Variants in SLC6A17 observed in about 807,000 individuals in gnomAD.
SLC6A17 encodes the protein sodium-dependent neutral amino acid transporter SLC6A17.
Under a neutral mutation model 64.5 loss-of-function variants are expected in SLC6A17, and 21 were observed. The observed-to-expected ratio is 0.33, with a 90% CI of 0.23 to 0.47. The LOEUF (loss-of-function observed/expected upper bound fraction) is 0.47. Among genes scored for constraint, SLC6A17 ranks in the 20% least tolerant of loss-of-function variants. SLC6A17 has a pLI of 1.00. For synonymous variants in SLC6A17, 372 were observed against 399.5 expected (o/e 0.93, Z 0.82); for missense variants, 682 against 963.2 (o/e 0.71, Z 3.86).
rs1346392057 is a variant in SLC6A17 at position 110,198,109 on chromosome 1, G to T, written c.1849G>T (p.Ala617Ser). Reference sequence around the variant, plus strand: ...GCGCTACCTGTATTTCCCCAACTGGGCCATGGCACTCCTGATCACCCTCAT... The same window carrying T: ...GCGCTACCTGTATTTCCCCAACTGGTCCATGGCACTCCTGATCACCCTCAT... The part of the protein sequence containing the change: ...AERYLYFPNW[A>S]MALLITLIVV... Residue 617 changes from alanine to serine, a missense_variant, in exon 12 of 12, where the codon GCC (alanine) becomes TCC (serine). Around this residue, in one of 3 missense-constraint regions of SLC6A17, gnomAD observed 264 missense variants for 339.5 expected, o/e 0.78. Transcript: ENST00000331565. The T allele has an allele frequency of 1.2e-6, 2 of 1,613,672 alleles. No homozygotes were observed. The highest frequency in any genetic ancestry group is 2.2e-5 in the South Asian group (2 of 91,088).
intron 4 of SLC6A17, 32 bp from the exon 5 acceptor site, chr1:110,174,747 C>G (rs774997399): frequency 6.2e-7 from 1 of 1,606,956 alleles, no homozygotes; most frequent in Non-Finnish European, 8.5e-7. Context: ...GGCCCTGCCA[C>G]TGAGGCCCTG....
chr1:110,198,065 C>T lies in SLC6A17; in HGVS notation c.1816-11C>T. 1 of 1,602,242 alleles carries T rather than the reference C, an allele frequency of 6.2e-7. No individual in the cohort carries two copies. The highest frequency in any genetic ancestry group is 1.1e-5 in the South Asian group (1 of 89,440). On this transcript the variant is annotated splice_polypyrimidine_tract_variant and intron_variant, in intron 11 of 11. Coordinates refer to ENST00000331565, the MANE Select transcript of SLC6A17 (RefSeq NM_001010898.4). Reference sequence around the variant, plus strand: ...GTGCCGGCAGCAGCCCTTAAGGCAGCCCACCCGCAGGCTGCCGAGCGCTAC... The same window carrying T: ...GTGCCGGCAGCAGCCCTTAAGGCAGTCCACCCGCAGGCTGCCGAGCGCTAC...
chr1:110,184,514 G>C (rs1414358858), intron 6 of SLC6A17, among the ~76,000 whole-genome samples: 2 of 152,184 alleles, frequency 1.3e-5, no homozygotes, highest in African/African-American at 4.8e-5. Flanking sequence ...GGAGAGGTCG[G>C]TACTCTCATT....
chr1:110,162,550 C>T (rs369743400), intron 1 of SLC6A17, among the ~76,000 whole-genome samples: 7 of 152,186 alleles, frequency 4.6e-5, no homozygotes, highest in African/African-American at 1.7e-4. Context: ...CCATGAGATA[C>T]ATGGGTACGG....
rs1271858967 is a variant in SLC6A17 at position 110,192,795 on chromosome 1, T to C, written c.1299+97T>C. The C allele has an allele frequency of 7.7e-7, 1 of 1,301,956 alleles. No homozygotes were observed. Among genetic ancestry groups the C allele is most frequent in the Non-Finnish European group, 1.0e-6 (1 of 957,050 alleles). 80.7% of individuals were successfully genotyped at this position (1,301,956 alleles called of 1,614,324 possible). A position where few individuals can be genotyped will look rare whatever the true frequency, so the allele number is the denominator to read the frequency against. On this transcript the variant is annotated intron_variant, in intron 8 of 11. Transcript: ENST00000331565. The surrounding 1 kb of genome is among the most constrained non-coding windows in gnomAD (Gnocchi z 4.3). ...GCTCAGGCCTCAGGATGCTGACAGGTAGTCATTAGTTTACTTGGTAAGCAA... is the reference window on the plus strand; with the variant it reads ...GCTCAGGCCTCAGGATGCTGACAGGCAGTCATTAGTTTACTTGGTAAGCAA...
intron 6 of SLC6A17, 111 bp downstream of exon 6, chr1:110,176,850 T>C (rs1196803809): frequency 7.3e-6 from 7 of 956,182 alleles, no homozygotes; most frequent in Admixed American, 2.1e-5. Context: ...TGCTATGTGT[T>C]GGGTATCGTA....
In SLC6A17 at chr1:110,195,749, A is replaced by C. The variant is rs1226636249; in HGVS notation, c.1652+4A>C. 5 of 1,614,152 alleles carry C rather than the reference A, an allele frequency of 3.1e-6. No homozygotes were observed. Among genetic ancestry groups the C allele is most frequent in the Non-Finnish European group, 4.2e-6 (5 of 1,179,978 alleles). The stretch of plus-strand genomic sequence containing the variant: ...CCTGGATTTATGGAACCAAGAAGTA[A>C]GAGGAACATGGGGGAAAGGTGGGAT... On this transcript the variant is annotated splice_donor_region_variant and intron_variant, in intron 10 of 11. Coordinates refer to ENST00000331565, the MANE Select transcript of SLC6A17 (RefSeq NM_001010898.4).
chr1:110,198,014 G>A, intron 11 of SLC6A17, 62 bp from the exon 12 acceptor site: 4 of 1,550,694 alleles, frequency 2.6e-6, no homozygotes, highest in Non-Finnish European at 3.5e-6. Context: ...CAGTCTTGGA[G>A]GGCCTGGGCG....
intron 1 of SLC6A17, among the ~76,000 whole-genome samples, chr1:110,166,471 C>T (rs1444824604): frequency 6.6e-6 from 1 of 152,170 alleles, no homozygotes; most frequent in Non-Finnish European, 1.5e-5. Context: ...TTTGGCTAAG[C>T]AGAACACCTG....
At chr1:110,190,640 C>T (rs1656800933) in intron 6 of SLC6A17, among the ~76,000 whole-genome samples, 1 of 152,314 alleles carries the variant, frequency 6.6e-6, no homozygotes, top group African/African-American at 2.4e-5. Context: ...CACAGGTACT[C>T]AGAAGGGGCA....
In SLC6A17 at chr1:110,199,788, C is replaced by T. The variant is rs2100956916; in HGVS notation, c.*1344C>T. The T allele has an allele frequency of 2.5e-6, 1 of 395,748 alleles. No individual in the cohort carries two copies. The highest frequency in any genetic ancestry group is 4.4e-6 in the Non-Finnish European group (1 of 224,846). The allele number at this position is 395,748 out of a possible 1,614,324, so 24.5% of individuals were successfully genotyped here. On this transcript the variant is annotated 3_prime_UTR_variant, in exon 12 of 12. Coordinates refer to ENST00000331565, the MANE Select transcript of SLC6A17 (RefSeq NM_001010898.4). ...GGCCTCCTCTGGAAGAGAACCCATT[C>T]TCAGAGTGCAGCCAGGGAGGAACCT...
intron 2 of SLC6A17, among the ~76,000 whole-genome samples, chr1:110,171,558 C>T (rs989827333): frequency 6.6e-6 from 1 of 152,170 alleles, no homozygotes; most frequent in African/African-American, 2.4e-5. Context: ...AGCTCAGCTT[C>T]CCTGGAGCTG....
intron 6 of SLC6A17, among the ~76,000 whole-genome samples, chr1:110,179,284 T>C (rs1031239650): frequency 6.6e-6 from 1 of 152,192 alleles, no homozygotes; most frequent in African/African-American, 2.4e-5. Context: ...AGGGTATCTA[T>C]GTTTAGGAAT....
chr1:110,156,715 T>C (rs1406036511), intron 1 of SLC6A17, among the ~76,000 whole-genome samples: 3 of 152,226 alleles, frequency 2.0e-5, no homozygotes, highest in African/African-American at 7.2e-5. Flanking sequence ...AGGATGCTTT[T>C]CTGCCCAGCC....
At chr1:110,155,112 C>G (rs893677522) in intron 1 of SLC6A17, among the ~76,000 whole-genome samples, 1 of 152,192 alleles carries the variant, frequency 6.6e-6, no homozygotes. Context: ...TCCAAACCAC[C>G]TGAGATCTCA....
chr1:110,186,761 C>A (rs1656695775), intron 6 of SLC6A17, among the ~76,000 whole-genome samples: 1 of 152,214 alleles, frequency 6.6e-6, no homozygotes, highest in Admixed American at 6.5e-5. Flanking sequence ...CACCCCTAAG[C>A]ACAAAGTGTT....
intron 2 of SLC6A17, 121 bp downstream of exon 2, chr1:110,167,336 C>A: frequency 1.6e-6 from 2 of 1,273,026 alleles, no homozygotes; most frequent in East Asian, 2.5e-5. Flanking sequence ...GCTCAGGATT[C>A]CAGAGTAAGA....
chr1:110,193,039 G>A (rs892175554), intron 8 of SLC6A17, among the ~76,000 whole-genome samples: 3 of 152,202 alleles, frequency 2.0e-5, no homozygotes, highest in Non-Finnish European at 2.9e-5. Context: ...TTGACATGGT[G>A]TGCATCAAAG....
intron 10 of SLC6A17, among the ~76,000 whole-genome samples, chr1:110,196,330 C>T (rs1424426772): frequency 6.6e-6 from 1 of 152,188 alleles, no homozygotes; most frequent in Non-Finnish European, 1.5e-5. Flanking sequence ...CACTCAGCAT[C>T]GACCATGACC....
Sources: allele counts gnomAD v4.1 joint callset (sites outside exome capture counted in the v4.1 genomes callset), GRCh38; gene constraint gnomAD v4.1.1; regional missense constraint gnomAD v4.1.1; non-coding constraint Gnocchi (gnomAD v3.1); transcripts MANE v1.5; gene names NCBI Gene and HGNC (gene_info 2026-07-23, HGNC 2026-07-21).